ITGB8: variants seen among roughly 807,000 people sequenced by gnomAD.
The protein encoded by ITGB8 is integrin beta-8.
In ITGB8, 30 loss-of-function variants were observed where a neutral mutation model predicts 89.5. The observed-to-expected ratio is 0.34, with a 90% confidence interval of 0.25 to 0.45. The LOEUF is 0.45. ITGB8 is among the 20% of genes least tolerant of loss of function. The probability of loss-of-function intolerance (pLI) is 1.00; values close to 1 mark genes in which losing one functional copy is unlikely to be tolerated. For missense variants in ITGB8, 836 were observed against 933.3 expected (o/e 0.90, Z 1.36); for synonymous variants, 335 against 320.4 (o/e 1.05, Z -0.49).
chr7:20,345,575 T>A (rs1309554721), intron 1 of ITGB8, among the ~76,000 whole-genome samples: 1 of 152,034 alleles, frequency 6.6e-6, no homozygotes, highest in Non-Finnish European at 1.5e-5. Context: ...GAGTTAGCCT[T>A]GTGGATAACT....
At chr7:20,350,526 A>C (rs1051443983) in intron 1 of ITGB8, among the ~76,000 whole-genome samples, 3 of 152,348 alleles carry the variant, frequency 2.0e-5, no homozygotes, top group East Asian at 1.9e-4. Flanking sequence ...AGAACTGTAC[A>C]TGCTATAAAG....
At chr7:20,374,942 A>T (rs1249103995) in intron 3 of ITGB8, among the ~76,000 whole-genome samples, 1 of 152,228 alleles carries the variant, frequency 6.6e-6, no homozygotes, top group African/African-American at 2.4e-5. Context: ...ATAGAGGTAG[A>T]CATATGAAGA....
At chr7:20,353,787 C>G (rs1303896179) in intron 1 of ITGB8, among the ~76,000 whole-genome samples, 1 of 150,712 alleles carries the variant, frequency 6.6e-6, no homozygotes, top group Non-Finnish European at 1.5e-5. Context: ...CAAAAATTAG[C>G]CAGGCGTGGT....
intron 10 of ITGB8, among the ~76,000 whole-genome samples, chr7:20,403,516 G>C (rs931732817): frequency 1.3e-5 from 2 of 152,184 alleles, no homozygotes; most frequent in African/African-American, 4.8e-5. Context: ...TTCTCCACTA[G>C]TCTCCTTTGG....
rs2127989275 is a variant in ITGB8, at chr7:20,410,272, T to A, written c.*275T>A. The A allele has an allele frequency of 2.8e-6, 1 of 360,096 alleles. No homozygotes were observed. Among genetic ancestry groups the A allele is most frequent in the South Asian group, 2.9e-5 (1 of 34,072 alleles). 22.3% of individuals were successfully genotyped at this position (360,096 alleles called of 1,614,324 possible). A position where few individuals can be genotyped will look rare whatever the true frequency, so the allele number is the denominator to read the frequency against. Reference sequence around the variant, plus strand: ...AACTTATTTAGATCAGCATAGAATGTAGATCCTCTGAAGAGCACTGATTAC... The same window carrying A: ...AACTTATTTAGATCAGCATAGAATGAAGATCCTCTGAAGAGCACTGATTAC... On this transcript the variant is annotated 3_prime_UTR_variant, in exon 14 of 14. Transcript: ENST00000222573.
chr7:20,409,941 A>G lies in ITGB8; in HGVS notation c.2254A>G (p.Ile752Val), dbSNP rs1166815034. 6.2e-7 allele frequency: 1 copy of G among 1,613,688 alleles called. No individual in the cohort carries two copies. The highest frequency in any genetic ancestry group is 1.1e-5 in the South Asian group (1 of 90,960). Residue 752 changes from isoleucine (I) to valine (V), a missense_variant, in exon 14 of 14, where the codon ATA becomes GTA. Around this residue, in one of 5 missense-constraint regions of ITGB8, gnomAD observed 422 missense variants for 416.9 expected, o/e 1.01. Coordinates refer to ENST00000222573, the MANE Select transcript of ITGB8 (RefSeq NM_002214.3). ...VTYRREKPEE[I>V]KMDISKLNAH... ...CTACCGACGTGAGAAGCCTGAAGAA[A>G]TAAAAATGGATATCAGCAAATTAAA...
At chr7:20,375,407 G>T (rs1350768041) in intron 3 of ITGB8, among the ~76,000 whole-genome samples, 1 of 151,070 alleles carries the variant, frequency 6.6e-6, no homozygotes, top group Non-Finnish European at 1.5e-5. Context: ...AGAATTGAAT[G>T]ATATTTTAAA....
chr7:20,335,215 T>A (rs1042109220), intron 1 of ITGB8, among the ~76,000 whole-genome samples: 8 of 152,350 alleles, frequency 5.3e-5, no homozygotes, highest in African/African-American at 9.6e-5. Context: ...TGAATTTTTT[T>A]AAAAACTGAA....
In ITGB8 at chr7:20,391,321, T is replaced by C. The variant is rs1021699105; in HGVS notation, c.961-82T>C. ...CCCAGGTACATTTTTATGTAAGTCA[T>C]ACAGTTTTCTTCATATTAGATGTTT... On this transcript the variant is annotated intron_variant, in intron 6 of 13. Transcript: ENST00000222573. The C allele has an allele frequency of 9.7e-6, 6 of 620,636 alleles. No homozygotes were observed. In the South Asian group the frequency reaches 1.1e-4, roughly 11 times the overall value. The allele number at this position is 620,636 out of a possible 1,614,324, so 38.4% of individuals were successfully genotyped here.
intron 1 of ITGB8, among the ~76,000 whole-genome samples, chr7:20,358,937 T>G (rs1360181154): frequency 6.6e-6 from 1 of 152,208 alleles, no homozygotes; most frequent in Non-Finnish European, 1.5e-5. Context: ...TGTTTAGCTC[T>G]CACTTATAAG....
chr7:20,337,188 AC>A (rs1784603927), intron 1 of ITGB8, among the ~76,000 whole-genome samples: 1 of 152,222 alleles, frequency 6.6e-6, no homozygotes, highest in South Asian at 2.1e-4. Context: ...CTAATTCTTT[AC>A]CCTTGGTATC....
rs1440454485 is a variant in ITGB8, at chr7:20,411,076, C to T, written c.*1079C>T. On this transcript the variant is annotated 3_prime_UTR_variant, in exon 14 of 14. Transcript: ENST00000222573. ...GCCTAAGGATGTTCTTTCCCAGAAT[C>T]ACTCCAACCCTTCTTGCCAGAATTC... The T allele has an allele frequency of 6.6e-6, 1 of 151,228 alleles. No homozygotes were observed. Among genetic ancestry groups the T allele is most frequent in the Admixed American group, 6.6e-5 (1 of 15,208 alleles). The allele number at this position is 151,228 out of a possible 1,614,324, so 9.4% of individuals were successfully genotyped here. A position where few individuals can be genotyped will look rare whatever the true frequency, so the allele number is the denominator to read the frequency against.
chr7:20,405,406 G>A (rs1454309544), intron 11 of ITGB8, among the ~76,000 whole-genome samples: 2 of 150,312 alleles, frequency 1.3e-5, no homozygotes, highest in Non-Finnish European at 3.0e-5. Flanking sequence ...CGCCTCCCGG[G>A]TTCACGCCAT....
At chr7:20,338,328 G>C (rs1449015051) in intron 1 of ITGB8, among the ~76,000 whole-genome samples, 2 of 152,152 alleles carry the variant, frequency 1.3e-5, no homozygotes, top group Non-Finnish European at 2.9e-5. Flanking sequence ...TTGTCTACTA[G>C]TTTAAATATT....
chr7:20,337,546 C>G (rs1028718396), intron 1 of ITGB8, among the ~76,000 whole-genome samples: 9 of 152,120 alleles, frequency 5.9e-5, no homozygotes, highest in Admixed American at 6.5e-5. Context: ...TGCTTACAAC[C>G]CTGTTAGTTA....
chr7:20,341,961 A>C (rs1784772344), intron 1 of ITGB8, among the ~76,000 whole-genome samples: 1 of 152,046 alleles, frequency 6.6e-6, no homozygotes, highest in Non-Finnish European at 1.5e-5. Flanking sequence ...GGTCAGCCAG[A>C]ACGATCATTG....
chr7:20,400,893 G>A (rs528986201), intron 9 of ITGB8, among the ~76,000 whole-genome samples: 16 of 152,202 alleles, frequency 1.1e-4, no homozygotes, highest in African/African-American at 1.4e-4. Context: ...ATTTAACTCC[G>A]AAACTTTACT....
intron 6 of ITGB8, among the ~76,000 whole-genome samples, chr7:20,388,947 G>C (rs1786743445): frequency 6.6e-6 from 1 of 152,088 alleles, no homozygotes; most frequent in African/African-American, 2.4e-5. Context: ...CTTTATCCAT[G>C]TCCCTGCAAA....
intron 6 of ITGB8, among the ~76,000 whole-genome samples, chr7:20,386,031 G>A (rs1170893870): frequency 6.6e-6 from 1 of 152,080 alleles, no homozygotes; most frequent in African/African-American, 2.4e-5. Context: ...ATCTTTTTCT[G>A]CTTCTCAGGT....
Sources: allele counts gnomAD v4.1 joint callset (sites outside exome capture counted in the v4.1 genomes callset), GRCh38; gene constraint gnomAD v4.1.1; regional missense constraint gnomAD v4.1.1; transcripts MANE v1.5; gene names NCBI Gene and HGNC (gene_info 2026-07-23, HGNC 2026-07-21).